Variants in PLCH1 observed in about 807,000 individuals in gnomAD.
PLCH1 encodes the protein 1-phosphatidylinositol 4,5-bisphosphate phosphodiesterase eta-1.
In PLCH1, 60 loss-of-function variants were observed where a neutral mutation model predicts 126.7. The ratio of observed to expected loss-of-function variants is 0.47; its 90% CI spans 0.38 to 0.59. PLCH1 has a LOEUF of 0.59. Ranked by LOEUF, PLCH1 falls within the 20% of genes least tolerant of loss-of-function variation. The pLI, the probability that PLCH1 is intolerant of heterozygous loss-of-function variation, is 0.00. For synonymous variants in PLCH1, 719 were observed against 734.9 expected, an observed-to-expected ratio of 0.98 and a Z score of 0.35; for missense variants, 1,723 against 2,040.0, an observed-to-expected ratio of 0.84 and a Z score of 2.99.
chr3:155,482,995 G>A lies in PLCH1; in HGVS notation c.3031C>T (p.Leu1011=). ...GKASIKDPHF[L]NFNKKLSSSS... is the part of the protein sequence containing the mutation. ...GATGATAACTTTTTGTTGAAATTTA[G>A]AAAATGTGGATCTTTTATACTTGCT... The change falls in exon 23 of 23, where the codon CTA becomes TTA. Residue 1011 remains leucine, a synonymous_variant. Transcript: ENST00000460012. 6.2e-7 allele frequency: 1 copy of A among 1,613,974 alleles called. No individual in the cohort carries two copies. The highest frequency in any genetic ancestry group is 2.2e-5 in the East Asian group (1 of 44,886).
chr3:155,506,000 T>C (rs1718616715), intron 12 of PLCH1, among the ~76,000 whole-genome samples: 1 of 151,856 alleles, frequency 6.6e-6, no homozygotes. Flanking sequence ...CTTTTAAGAA[T>C]AAAATGGGAT....
intron 21 of PLCH1, among the ~76,000 whole-genome samples, chr3:155,454,148 C>T: frequency 6.6e-6 from 1 of 152,112 alleles, no homozygotes; most frequent in East Asian, 1.9e-4. Context: ...ATATAATCTT[C>T]ATGTTATTGA....
intron 10 of PLCH1, among the ~76,000 whole-genome samples, chr3:155,546,766 C>A (rs1192000647): frequency 6.7e-6 from 1 of 149,346 alleles, no homozygotes; most frequent in East Asian, 1.9e-4. Flanking sequence ...TTTGACAAAC[C>A]TGAGAAAAAC....
intron 21 of PLCH1, among the ~76,000 whole-genome samples, chr3:155,470,560 C>G (rs1416114339): frequency 6.6e-6 from 1 of 152,082 alleles, no homozygotes; most frequent in Non-Finnish European, 1.5e-5. Context: ...CGTTCAGATT[C>G]AGGAAATACA....
chr3:155,482,206 T>C lies in PLCH1; in HGVS notation c.3820A>G (p.Ile1274Val), dbSNP rs780312127. ...TCATCATCTGGTTTGGTTTTAGAGATGGGAGTGCAGGTAGTTTCATAAACT... is the reference window on the plus strand; with the variant it reads ...TCATCATCTGGTTTGGTTTTAGAGACGGGAGTGCAGGTAGTTTCATAAACT... ...NTVYETTCTP[I>V]SKTKPDDDLS... Residue 1274 changes from isoleucine to valine, a missense_variant, in exon 23 of 23, where the codon ATC becomes GTC. Coordinates refer to ENST00000460012, the MANE Select transcript of PLCH1 (RefSeq NM_014996.4). The C allele has an allele frequency of 6.2e-7, 1 of 1,614,148 alleles. No homozygotes were observed. Among genetic ancestry groups the C allele is most frequent in the South Asian group, 1.1e-5 (1 of 91,080 alleles).
intron 10 of PLCH1, among the ~76,000 whole-genome samples, chr3:155,534,554 A>T (rs1723104720): frequency 6.6e-6 from 1 of 152,174 alleles, no homozygotes; most frequent in Non-Finnish European, 1.5e-5. Flanking sequence ...GCCTGGAAAG[A>T]GTTAAGACTT....
At chr3:155,577,202 C>T (rs370874338) in intron 6 of PLCH1, among the ~76,000 whole-genome samples, 13 of 152,130 alleles carry the variant, frequency 8.5e-5, no homozygotes, top group African/African-American at 2.9e-4. Context: ...GGAGTTTATA[C>T]GATCCATGAT....
intron 6 of PLCH1, among the ~76,000 whole-genome samples, chr3:155,573,845 T>A (rs1299861089): frequency 6.6e-6 from 1 of 152,142 alleles, no homozygotes; most frequent in Non-Finnish European, 1.5e-5. Flanking sequence ...ATTATAGCCA[T>A]CTTCATAATC....
At chr3:155,637,032 C>T (rs1738803788) in intron 2 of PLCH1, among the ~76,000 whole-genome samples, 1 of 152,028 alleles carries the variant, frequency 6.6e-6, no homozygotes, top group Non-Finnish European at 1.5e-5. Context: ...GAAATTGGAA[C>T]AACAACAAAA....
At chr3:155,723,607 C>T (rs1335345981) in intron 1 of PLCH1, among the ~76,000 whole-genome samples, 3 of 151,786 alleles carry the variant, frequency 2.0e-5, no homozygotes, top group African/African-American at 4.8e-5. Context: ...TTGTTGTATC[C>T]CAAAGGTTTT....
At chr3:155,681,227 A>G (rs1313458960) in intron 2 of PLCH1, among the ~76,000 whole-genome samples, 5 of 152,196 alleles carry the variant, frequency 3.3e-5, no homozygotes, top group African/African-American at 1.2e-4. Context: ...AGTAACACTA[A>G]ACTTAGAAAA....
intron 21 of PLCH1, among the ~76,000 whole-genome samples, chr3:155,465,827 C>T (rs766766548): frequency 1.3e-5 from 2 of 152,120 alleles, no homozygotes; most frequent in African/African-American, 2.4e-5. Flanking sequence ...CTTAAGGGAA[C>T]ATTGGTGGTA....
At chr3:155,676,418 C>A (rs939360311) in intron 2 of PLCH1, 4 of 997,192 alleles carry the variant, frequency 4.0e-6, no homozygotes, top group Non-Finnish European at 4.8e-6. Flanking sequence ...AGGCATTATG[C>A]ACATTTAATG....
chr3:155,562,392 C>A (rs1288138567), intron 8 of PLCH1, among the ~76,000 whole-genome samples: 1 of 152,014 alleles, frequency 6.6e-6, no homozygotes, highest in African/African-American at 2.4e-5. Context: ...ATTTTATGGC[C>A]CCCTATCCAC....
intron 8 of PLCH1, among the ~76,000 whole-genome samples, chr3:155,558,972 G>T (rs955921231): frequency 6.6e-6 from 1 of 152,026 alleles, no homozygotes; most frequent in Non-Finnish European, 1.5e-5. Context: ...ATATTTAGGT[G>T]GTAGGCCTAA....
intron 4 of PLCH1, among the ~76,000 whole-genome samples, chr3:155,588,835 A>G (rs1208781779): frequency 1.3e-5 from 2 of 152,134 alleles, no homozygotes; most frequent in Non-Finnish European, 2.9e-5. Context: ...TGGAGCCTCC[A>G]TTTCTTCACC....
At chr3:155,470,292 G>T (rs1713145363) in intron 21 of PLCH1, among the ~76,000 whole-genome samples, 1 of 152,200 alleles carries the variant, frequency 6.6e-6, no homozygotes, top group African/African-American at 2.4e-5. Flanking sequence ...GAAGCCTTAG[G>T]AGCCGATGCG....
chr3:155,738,308 C>T (rs1304616699), intron 1 of PLCH1, among the ~76,000 whole-genome samples: 1 of 152,218 alleles, frequency 6.6e-6, no homozygotes, highest in African/African-American at 2.4e-5. Flanking sequence ...AAAGAAGACC[C>T]AGAAGAAGGG....
intron 10 of PLCH1, among the ~76,000 whole-genome samples, chr3:155,530,683 T>C (rs943440495): frequency 2.0e-5 from 3 of 152,176 alleles, no homozygotes; most frequent in African/African-American, 7.2e-5. Flanking sequence ...GGAATCATCT[T>C]CTTCTAAACT....
Sources: gnomAD v4.1 joint callset for allele counts (sites outside exome capture counted in the v4.1 genomes callset) on GRCh38, gnomAD v4.1.1 for gene constraint, MANE v1.5 for transcripts, NCBI Gene and HGNC (gene_info 2026-07-23, HGNC 2026-07-21) for gene names.